The following TTLL3 variants were observed in gnomAD, a reference collection of about 807,000 sequenced individuals.
TTLL3 encodes tubulin tyrosine ligase like 3.
Under a neutral mutation model 75.2 loss-of-function variants are expected in TTLL3, and 63 were observed. That is an observed-to-expected ratio of 0.84 (90% confidence interval 0.68 to 1.03). The LOEUF is 1.03. Ranked by LOEUF, TTLL3 falls within the 50% of genes least tolerant of loss-of-function variation. The pLI, the probability that TTLL3 is intolerant of heterozygous loss-of-function variation, is 0.00. For missense variants in TTLL3, 997 were observed against 1,069.9 expected, an observed-to-expected ratio of 0.93 and a Z score of 0.95; for synonymous variants, 393 against 418.5, an observed-to-expected ratio of 0.94 and a Z score of 0.74.
At chr3:9,817,477 C>A in intron 5 of TTLL3, 168 bp from the exon 6 acceptor site, 1 of 985,052 alleles carries the variant, frequency 1.0e-6, no homozygotes, top group Non-Finnish European at 1.2e-6. Context: ...GCATTCTTGG[C>A]AAAGGACACC....
upstream of TTLL3, chr3:9,810,218 C>T (rs1394716196): frequency 1.3e-6 from 2 of 1,495,024 alleles, no homozygotes; most frequent in Non-Finnish European, 1.8e-6. The surrounding 1 kb of genome is among the most constrained non-coding windows in gnomAD (Gnocchi z 4.4). Flanking sequence ...CCTGCCTCCG[C>T]CCAGTCCGAG....
At chr3:9,821,516 T>A (rs2080408446) in intron 8 of TTLL3, among the ~76,000 whole-genome samples, 1 of 152,054 alleles carries the variant, frequency 6.6e-6, no homozygotes, top group Non-Finnish European at 1.5e-5. Context: ...GGGGTGGTGG[T>A]AATGGGAAGA....
At chr3:9,823,106 G>A (rs577271800) in intron 8 of TTLL3, among the ~76,000 whole-genome samples, 8 of 150,058 alleles carry the variant, frequency 5.3e-5, no homozygotes, top group South Asian at 4.2e-4. Context: ...TAGCAGGGCC[G>A]GGCACGGTGG....
chr3:9,829,044 G>T lies in TTLL3; in HGVS notation c.1332G>T (p.Met444Ile). Residue 444 changes from methionine (M) to isoleucine (I), a missense_variant, in exon 11 of 14, where the codon ATG becomes ATT. Transcript: ENST00000685419. ...ATCCACTGCTTCCGCCAGACAACAT[G>T]TGGTCTAGCCAGAGGTTCCAGGCCC... Reference protein sequence around the residue: ...HRHPLLPPDNMWSSQRFQAHL... With the variant: ...HRHPLLPPDNIWSSQRFQAHL... 1 of 1,614,248 alleles carries T rather than the reference G, an allele frequency of 6.2e-7. No homozygotes were observed. Among genetic ancestry groups the T allele is most frequent in the South Asian group, 1.1e-5 (1 of 91,088 alleles).
rs776967248 is a variant in TTLL3 at position 9,827,070 on chromosome 3, C to T, written c.1077C>T (p.Gly359=). ...GCAACCCCGTGGTGATGAAGGACGG[C>T]AAGTGGGTGGTGCAGAAGTATATTG... ...VNGNPVVMKD[G]KWVVQKYIER... Residue 359 remains glycine, a synonymous_variant, in exon 10 of 14, where the codon GGC becomes GGT. Transcript: ENST00000685419. 3.7e-6 allele frequency: 6 copies of T among 1,614,218 alleles called. No homozygotes were observed. Among genetic ancestry groups the T allele is most frequent in the Non-Finnish European group, 5.1e-6 (6 of 1,180,034 alleles).
At chr3:9,833,603 C>T (rs2081791281) in intron 12 of TTLL3, among the ~76,000 whole-genome samples, 1 of 152,188 alleles carries the variant, frequency 6.6e-6, no homozygotes, top group African/African-American at 2.4e-5. Context: ...CAGGCCCCTC[C>T]CAACCACCTG....
At position 9,810,771 on chromosome 3, in the gene TTLL3, C is replaced by T; in HGVS notation, c.48+62C>T. ...GGGAGCGGCTCAGCCTGTCTCCCTG[C>T]GCTGTTTTCTTATATCCTTAAAAAA... On this transcript the variant is annotated intron_variant, in intron 2 of 13. Coordinates refer to ENST00000685419, the MANE Select transcript of TTLL3 (RefSeq NM_001387446.1). The surrounding 1 kb of genome is among the most constrained non-coding windows in gnomAD (Gnocchi z 4.4). 1.4e-6 allele frequency: 2 copies of T among 1,432,952 alleles called. No individual in the cohort carries two copies. Among genetic ancestry groups the T allele is most frequent in the East Asian group, 2.5e-5 (1 of 40,340 alleles). 88.8% of individuals were successfully genotyped at this position (1,432,952 alleles called of 1,614,324 possible). A position where few individuals can be genotyped will look rare whatever the true frequency, so the allele number is the denominator to read the frequency against.
In TTLL3 at chr3:9,829,124, T is replaced by C. The variant is rs535518919; in HGVS notation, c.1412T>C (p.Met471Thr). 1 of 1,614,260 alleles carries C rather than the reference T, an allele frequency of 6.2e-7. No homozygotes were observed. The highest frequency in any genetic ancestry group is 1.3e-5 in the African/African-American group (1 of 75,060). Residue 471 changes from methionine to threonine, a missense_variant, in exon 11 of 14, where the codon ATG becomes ACG. Physicochemically the swap from Met to Thr is moderately conservative, Grantham distance 81 (BLOSUM62 -1). Transcript: ENST00000685419. The part of the protein sequence containing the change: ...NAWSTIIVPG[M>T]KDAVIHALQT... ...TGGTCCACCATCATCGTGCCTGGCA[T>C]GAAGGATGCTGTGATCCACGCACTT...
rs1373530133 is a variant in TTLL3 at position 9,820,581 on chromosome 3, G to A, written c.694G>A (p.Val232Met). The change falls in exon 8 of 14, where the codon GTG becomes ATG. Residue 232 changes from valine (V) to methionine (M), a missense_variant. By Grantham distance (21) the Val-to-Met change is conservative (BLOSUM62 1). Transcript: ENST00000685419. ...KQPKKQEKNP[V>M]LVSPEFVDEA... The stretch of plus-strand genomic sequence containing the variant: ...GCCCAAGAAACAGGAGAAAAACCCA[G>A]TGTTGGTGTCCCCAGAGTTTGTGGA... The A allele has an allele frequency of 3.7e-6, 6 of 1,614,132 alleles. No individual in the cohort carries two copies. Among genetic ancestry groups the A allele is most frequent in the Admixed American group, 1.7e-5 (1 of 60,016 alleles).
chr3:9,825,911 C>T lies in TTLL3; in HGVS notation c.966C>T (p.Ile322=), dbSNP rs2080993602. Residue 322 remains isoleucine (I), a synonymous_variant, in exon 9 of 14, where the codon ATC becomes ATT. Coordinates refer to ENST00000685419, the MANE Select transcript of TTLL3 (RefSeq NM_001387446.1). ...TAGACATGGAAGGGGATCGCAACAT[C>T]TGGATCGTGAAGCCAGGAGCCAAGT... The part of the protein sequence containing the change: ...PQIDMEGDRN[I]WIVKPGAKSR... 6.2e-7 allele frequency: 1 copy of T among 1,614,148 alleles called. No individual in the cohort carries two copies. Among genetic ancestry groups the T allele is most frequent in the South Asian group, 1.1e-5 (1 of 91,086 alleles).
chr3:9,812,561 C>T (rs999872885), intron 2 of TTLL3, among the ~76,000 whole-genome samples: 1 of 151,808 alleles, frequency 6.6e-6, no homozygotes, highest in African/African-American at 2.4e-5. Flanking sequence ...ATCCCAGGTA[C>T]TCAAGGAGAC....
rs193279317 is a variant in TTLL3, at chr3:9,835,516, G to A, written c.*27G>A. ...GCCATCAGCAGCTCCTCCGTGCAGC[G>A]AGGCCCAGAATTCCCACCTAAGGAC... On this transcript the variant is annotated 3_prime_UTR_variant, in exon 14 of 14. Coordinates refer to ENST00000685419, the MANE Select transcript of TTLL3 (RefSeq NM_001387446.1). The A allele has an allele frequency of 1.8e-5, 28 of 1,543,256 alleles. No individual in the cohort carries two copies. The highest frequency in any genetic ancestry group is 1.1e-4 in the African/African-American group (8 of 72,592).
In TTLL3 at chr3:9,813,078, TCAGCGATGGGTGA is replaced by T; in HGVS notation, c.188_200del (p.Ala63ValfsTer27). On this transcript the variant is annotated frameshift_variant, in exon 3 of 14. Transcript: ENST00000685419. LOFTEE classifies it high-confidence loss of function. ...GCCACCCCAGAAGGATCTGGATAGC[TCAGCGATGGGTGA>T]CAGTGACACCACTGAGGATGGTGAG... 6.3e-7 allele frequency: 1 copy of T among 1,583,128 alleles called. No individual in the cohort carries two copies. Among genetic ancestry groups the T allele is most frequent in the African/African-American group, 1.3e-5 (1 of 74,160 alleles).
At chr3:9,814,591 T>C (rs1382393044) in intron 4 of TTLL3, among the ~76,000 whole-genome samples, 1 of 151,934 alleles carries the variant, frequency 6.6e-6, no homozygotes, top group Non-Finnish European at 1.5e-5. Flanking sequence ...AAGGTTGCAG[T>C]GAGCTGAGAT....
At chr3:9,817,830 G>A (rs2080034434) in intron 6 of TTLL3, 71 bp downstream of exon 6, 3 of 1,596,280 alleles carry the variant, frequency 1.9e-6, no homozygotes, top group Non-Finnish European at 2.6e-6. Flanking sequence ...GGCTCATATT[G>A]GAGAGAAACA....
At chr3:9,810,037 A>C, upstream of TTLL3, 1 of 1,177,190 alleles carries the variant, frequency 8.5e-7, no homozygotes, top group Non-Finnish European at 1.0e-6. The surrounding 1 kb of genome is among the most constrained non-coding windows in gnomAD (Gnocchi z 4.4). Context: ...ACTGCTCCTG[A>C]GCGCGAGGGA....
chr3:9,810,124 C>T (rs1006114674), upstream of TTLL3: 2 of 1,469,668 alleles, frequency 1.4e-6, no homozygotes, highest in Non-Finnish European at 1.8e-6. The surrounding 1 kb of genome is among the most constrained non-coding windows in gnomAD (Gnocchi z 4.4). Flanking sequence ...GCTGCGGAAG[C>T]CGCAGCCGCT....
intron 8 of TTLL3, among the ~76,000 whole-genome samples, chr3:9,822,852 G>A (rs62247463): frequency 2.1e-5 from 3 of 145,208 alleles, no homozygotes; most frequent in African/African-American, 7.5e-5. Context: ...CAAACAATCC[G>A]CCCGCCTTGG....
rs1559229113 is a variant in TTLL3, at chr3:9,833,177, C to CGAT, written c.1759_1761dup (p.Met587dup). 1 of 1,614,126 alleles carries CGAT rather than the reference C, an allele frequency of 6.2e-7. No homozygotes were observed. Among genetic ancestry groups the CGAT allele is most frequent in the Admixed American group, 1.7e-5 (1 of 60,004 alleles). On this transcript the variant is annotated inframe_insertion, in exon 12 of 14. Transcript: ENST00000685419. ...GGCTTCACCATCAAGAAGCCCATGGCGATGTGTCATCGGCGGATGGGGGTC... is the reference window on the plus strand; with the variant it reads ...GGCTTCACCATCAAGAAGCCCATGGCGATGATGTGTCATCGGCGGATGGGGGTC...
Sources: allele counts gnomAD v4.1 joint callset (sites outside exome capture counted in the v4.1 genomes callset), GRCh38; gene constraint gnomAD v4.1.1; non-coding constraint Gnocchi (gnomAD v3.1); transcripts MANE v1.5; gene names NCBI Gene and HGNC (gene_info 2026-07-23, HGNC 2026-07-21).